Variants in MAGI1 observed in about 807,000 individuals in gnomAD.
MAGI1 encodes membrane-associated guanylate kinase, WW and PDZ domain-containing protein 1.
MAGI1 carries 58 observed loss-of-function variants against 139.9 expected under a neutral mutation model. The observed-to-expected ratio is 0.41, with a 90% CI of 0.34 to 0.52. MAGI1 has a LOEUF of 0.52. Ranked by LOEUF, MAGI1 falls within the 20% of genes least tolerant of loss-of-function variation. The pLI is 0.12. For missense variants in MAGI1, 1,874 were observed against 1,901.6 expected, an observed-to-expected ratio of 0.99 and a Z score of 0.27; for synonymous variants, 812 against 737.9, an observed-to-expected ratio of 1.10 and a Z score of -1.63.
intron 1 of MAGI1, among the ~76,000 whole-genome samples, chr3:65,899,058 A>C (rs1427564774): frequency 3.3e-5 from 5 of 151,996 alleles, no homozygotes; most frequent in African/African-American, 1.2e-4. Context: ...GGCAGCTGGG[A>C]CTACAGGCAC....
intron 1 of MAGI1, among the ~76,000 whole-genome samples, chr3:65,926,369 C>A (rs55695226): frequency 6.8e-6 from 1 of 146,504 alleles, no homozygotes; most frequent in African/African-American, 2.5e-5. Context: ...CTCTCTCTCT[C>A]CCTCTTTCCC....
chr3:65,670,671 T>A (rs879596371), intron 1 of MAGI1, among the ~76,000 whole-genome samples: 3 of 152,120 alleles, frequency 2.0e-5, no homozygotes, highest in Admixed American at 2.0e-4. Flanking sequence ...TTCTCTGGGA[T>A]CATGTTTGGT....
At chr3:65,868,043 T>C (rs2059791220) in intron 1 of MAGI1, among the ~76,000 whole-genome samples, 1 of 152,132 alleles carries the variant, frequency 6.6e-6, no homozygotes, top group Non-Finnish European at 1.5e-5. Flanking sequence ...AAAATCCCCA[T>C]GAATTCTTAG....
At chr3:65,595,542 A>T (rs1025608522) in intron 2 of MAGI1, among the ~76,000 whole-genome samples, 2 of 152,142 alleles carry the variant, frequency 1.3e-5, no homozygotes, top group South Asian at 4.1e-4. Context: ...GGGTGGTTTC[A>T]TATCAAACAC....
chr3:65,831,004 T>A (rs907347849), intron 1 of MAGI1, among the ~76,000 whole-genome samples: 1 of 136,384 alleles, frequency 7.3e-6, no homozygotes, highest in Non-Finnish European at 1.6e-5. Flanking sequence ...CTTTTAGCAA[T>A]TGGACCTCTC....
chr3:65,461,643 C>G (rs1949807351), intron 5 of MAGI1, among the ~76,000 whole-genome samples: 1 of 151,674 alleles, frequency 6.6e-6, no homozygotes, highest in East Asian at 1.9e-4. Flanking sequence ...CGCCCGCCAC[C>G]ACGCCTGGCT....
chr3:65,628,930 T>A (rs975521763), intron 1 of MAGI1, among the ~76,000 whole-genome samples: 18 of 152,362 alleles, frequency 1.2e-4, no homozygotes, highest in African/African-American at 3.8e-4. Flanking sequence ...GTTTTCCTAT[T>A]AGGTTATCTA....
chr3:65,683,776 G>A (rs1209827248), intron 1 of MAGI1, among the ~76,000 whole-genome samples: 4 of 151,836 alleles, frequency 2.6e-5, no homozygotes, highest in Non-Finnish European at 5.9e-5. Flanking sequence ...CAGAATGGAT[G>A]AAATGAAAAT....
chr3:65,466,307 T>C (rs1226378542), intron 5 of MAGI1, among the ~76,000 whole-genome samples: 3 of 152,184 alleles, frequency 2.0e-5, no homozygotes, highest in Non-Finnish European at 4.4e-5. Context: ...AAGTGATTTT[T>C]TTTATTAACA....
intron 2 of MAGI1, among the ~76,000 whole-genome samples, chr3:65,508,138 T>C (rs574368907): frequency 1.5e-3 from 235 of 152,294 alleles, no homozygotes; most frequent in Non-Finnish European, 2.8e-3. Flanking sequence ...GCGCGGTGGC[T>C]CACGCCTGTA....
At chr3:65,583,643 T>C (rs934228084) in intron 2 of MAGI1, among the ~76,000 whole-genome samples, 1 of 151,854 alleles carries the variant, frequency 6.6e-6, no homozygotes, top group Non-Finnish European at 1.5e-5. Context: ...CAGGAGAAAG[T>C]TCAAGTACAA....
At chr3:65,579,044 C>G (rs62253368) in intron 2 of MAGI1, among the ~76,000 whole-genome samples, 2 of 151,592 alleles carry the variant, frequency 1.3e-5, no homozygotes, top group African/African-American at 2.4e-5. Context: ...TAATACAAAA[C>G]ATAGACTTGG....
At chr3:65,847,340 G>A (rs1487932777) in intron 1 of MAGI1, among the ~76,000 whole-genome samples, 1 of 152,094 alleles carries the variant, frequency 6.6e-6, no homozygotes, top group African/African-American at 2.4e-5. Flanking sequence ...AAATACCCTA[G>A]CTAGGTTTCT....
chr3:66,012,554 C>CCAGGT (rs779530498), intron 1 of MAGI1, among the ~76,000 whole-genome samples: 1 of 151,916 alleles, frequency 6.6e-6, no homozygotes, highest in African/African-American at 2.4e-5. Context: ...TCACTTGAGA[C>CCAGGT]CAGGAGTTTG....
intron 2 of MAGI1, among the ~76,000 whole-genome samples, chr3:65,570,065 TTTATTATCATTA>T (rs2080878389): frequency 2.3e-5 from 3 of 129,150 alleles, no homozygotes; most frequent in Admixed American, 9.0e-5. Flanking sequence ...TCTTTCTTTC[TTTATTATCATTA>T]TTATTATTAT....
At chr3:65,442,962 C>T (rs925111193) in intron 7 of MAGI1, 113 bp from the exon 8 acceptor site, 3 of 721,788 alleles carry the variant, frequency 4.2e-6, no homozygotes, top group African/African-American at 3.6e-5. Flanking sequence ...GCTTTAAATC[C>T]AATTAAAACT....
intron 12 of MAGI1, among the ~76,000 whole-genome samples, chr3:65,414,822 A>G (rs921938017): frequency 2.0e-5 from 3 of 151,334 alleles, no homozygotes; most frequent in Non-Finnish European, 2.9e-5. Context: ...TCACCTGACC[A>G]GCCAGATCAA....
chr3:65,552,697 T>G (rs979467267), intron 2 of MAGI1, among the ~76,000 whole-genome samples: 2 of 152,174 alleles, frequency 1.3e-5, no homozygotes, highest in Non-Finnish European at 2.9e-5. Context: ...GGGGCCCTGA[T>G]CCTATGAATT....
intron 1 of MAGI1, among the ~76,000 whole-genome samples, chr3:65,708,852 G>A (rs1576827539): frequency 6.6e-6 from 1 of 152,100 alleles, no homozygotes; most frequent in East Asian, 1.9e-4. Context: ...CAGGATACCT[G>A]GGTAGGTGAT....
Sources: gnomAD v4.1 joint callset for allele counts (sites outside exome capture counted in the v4.1 genomes callset) on GRCh38, gnomAD v4.1.1 for gene constraint, MANE v1.5 for transcripts, NCBI Gene and HGNC (gene_info 2026-07-23, HGNC 2026-07-21) for gene names.